Variants in LHFPL3 observed in about 807,000 individuals in gnomAD.
LHFPL3 encodes the protein LHFPL tetraspan subfamily member 3.
A neutral mutation model predicts 19.3 loss-of-function variants in LHFPL3; 5 were observed. That is an observed-to-expected ratio of 0.26 (90% confidence interval 0.14 to 0.54). The LOEUF (loss-of-function observed/expected upper bound fraction) is 0.54. LHFPL3 is among the 20% of genes least tolerant of loss of function. The pLI, the probability that LHFPL3 is intolerant of heterozygous loss-of-function variation, is 0.94. For synonymous variants in LHFPL3, 133 were observed against 126.2 expected, an observed-to-expected ratio of 1.05 and a Z score of -0.36; for missense variants, 249 against 307.4, an observed-to-expected ratio of 0.81 and a Z score of 1.42.
chr7:104,735,988 T>G (rs1367779072), intron 1 of LHFPL3, among the ~76,000 whole-genome samples: 3 of 152,252 alleles, frequency 2.0e-5, no homozygotes, highest in African/African-American at 7.2e-5. Context: ...GGACATATAC[T>G]CAATAGTGGG....
chr7:104,468,712 G>A (rs1192411851), intron 1 of LHFPL3, among the ~76,000 whole-genome samples: 2 of 148,464 alleles, frequency 1.3e-5, no homozygotes, highest in Non-Finnish European at 3.0e-5. Context: ...AGGCTGGAGT[G>A]CAGTGGTGCG....
Position 104,668,460 on chromosome 7 carries a change from C to T in LHFPL3, c.446-68215C>T, listed in dbSNP as rs567548537. The T allele has an allele frequency of 1.9e-5, 30 of 1,611,682 alleles. No homozygotes were observed. The African/African-American group carries it at 3.3e-4, about 18-fold the overall frequency. Reference sequence around the variant, plus strand: ...TTCAGACCGGTATCGGGATGGGTATCGGGATGGCCCACGCCGGGATATGGA... The same window carrying T: ...TTCAGACCGGTATCGGGATGGGTATTGGGATGGCCCACGCCGGGATATGGA... On this transcript the variant is annotated intron_variant, in intron 1 of 2. Transcript: ENST00000424859.
chr7:104,900,903 TTATTTA>T (rs1399330344), intron 2 of LHFPL3, among the ~76,000 whole-genome samples: 15 of 152,238 alleles, frequency 9.9e-5, no homozygotes, highest in African/African-American at 3.6e-4. Context: ...ATTGAATGAC[TTATTTA>T]TTCATTCCTG....
intron 1 of LHFPL3, among the ~76,000 whole-genome samples, chr7:104,543,301 T>C (rs1437053429): frequency 1.3e-5 from 2 of 151,956 alleles, no homozygotes; most frequent in African/African-American, 2.4e-5. Context: ...TAGGAACACT[T>C]TTACACTGTT....
rs556128528 is a variant in LHFPL3 at position 104,866,707 on chromosome 7, A to C, written c.683-39480A>C. On this transcript the variant is annotated intron_variant, in intron 2 of 2. Transcript: ENST00000424859. ...ACAAGGATATCCAGGAACTGAACTCAGCTCTGCACCAAGGGGACCTAATAG... is the reference window on the plus strand; with the variant it reads ...ACAAGGATATCCAGGAACTGAACTCCGCTCTGCACCAAGGGGACCTAATAG... Among the ~76,000 whole-genome samples the C allele has an allele frequency of 1.5e-4, 23 of 152,330 alleles. No homozygotes were observed. The South Asian group carries it at 3.7e-3, about 25-fold the overall frequency.
intron 2 of LHFPL3, among the ~76,000 whole-genome samples, chr7:104,891,868 A>C (rs968962338): frequency 1.3e-5 from 2 of 152,196 alleles, no homozygotes; most frequent in Non-Finnish European, 2.9e-5. Context: ...AAATGTCTGG[A>C]GGGAGCTCTT....
At chr7:104,584,698 A>T (rs1452485361) in intron 1 of LHFPL3, among the ~76,000 whole-genome samples, 1 of 152,080 alleles carries the variant, frequency 6.6e-6, no homozygotes, top group Non-Finnish European at 1.5e-5. Context: ...GTTAGAACGA[A>T]TGCATTTTCT....
At chr7:104,474,030 T>C (rs1584344731) in intron 1 of LHFPL3, among the ~76,000 whole-genome samples, 1 of 152,350 alleles carries the variant, frequency 6.6e-6, no homozygotes, top group African/African-American at 2.4e-5. Flanking sequence ...CTCACTGCTC[T>C]GCCCTCAAAC....
At chr7:104,847,173 G>T (rs1791329192) in intron 2 of LHFPL3, among the ~76,000 whole-genome samples, 1 of 152,192 alleles carries the variant, frequency 6.6e-6, no homozygotes, top group Non-Finnish European at 1.5e-5. Context: ...GTAGTTTGGG[G>T]TTATCCAGCT....
intron 1 of LHFPL3, among the ~76,000 whole-genome samples, chr7:104,430,431 T>C (rs1240074346): frequency 7.2e-3 from 89 of 12,306 alleles, no homozygotes; most frequent in South Asian, 0.011. Context: ...TATATATATA[T>C]ATATATATAT....
At chr7:104,584,696 G>A (rs1194729044) in intron 1 of LHFPL3, among the ~76,000 whole-genome samples, 5 of 151,938 alleles carry the variant, frequency 3.3e-5, no homozygotes, top group Non-Finnish European at 5.9e-5. Flanking sequence ...TAGTTAGAAC[G>A]AATGCATTTT....
chr7:104,750,835 G>A (rs911267157), intron 2 of LHFPL3, among the ~76,000 whole-genome samples: 1 of 152,084 alleles, frequency 6.6e-6, no homozygotes, highest in Non-Finnish European at 1.5e-5. Context: ...GGGGCCTGAG[G>A]CTGGCCCCTT....
At chr7:104,544,696 T>C in intron 1 of LHFPL3, among the ~76,000 whole-genome samples, 1 of 152,194 alleles carries the variant, frequency 6.6e-6, no homozygotes, top group Admixed American at 6.6e-5. Context: ...TGCATCTCTA[T>C]ATATCTGCAA....
At chr7:104,429,169 G>A (rs1337987679) in intron 1 of LHFPL3, among the ~76,000 whole-genome samples, 1 of 151,170 alleles carries the variant, frequency 6.6e-6, no homozygotes, top group African/African-American at 2.4e-5. Flanking sequence ...ATAAACTAAA[G>A]GAAAAAAAAT....
Position 104,603,079 on chromosome 7 carries a change from T to A in LHFPL3, c.446-133596T>A, listed in dbSNP as rs1292838542. On this transcript the variant is annotated intron_variant, in intron 1 of 2. Transcript: ENST00000424859. Reference sequence around the variant, plus strand: ...TTCTTTCTTTCTTTTTCTTTCTTTCTTTCTTTCTTTCTTTCTTTCTTTCTT... The same window carrying A: ...TTCTTTCTTTCTTTTTCTTTCTTTCATTCTTTCTTTCTTTCTTTCTTTCTT... 6.3e-5 allele frequency among the ~76,000 whole-genome samples: 6 copies of A among 95,786 alleles called. No homozygotes were observed. In the East Asian group the frequency reaches 2.2e-3, roughly 35 times the overall value. 62.8% of individuals were successfully genotyped at this position (95,786 alleles called of 152,430 possible).
At chr7:104,850,689 G>A (rs541768979) in intron 2 of LHFPL3, among the ~76,000 whole-genome samples, 11 of 151,860 alleles carry the variant, frequency 7.2e-5, no homozygotes, top group Non-Finnish European at 1.0e-4. Flanking sequence ...TATTAGAAAC[G>A]CAAGTTTTCA....
intron 2 of LHFPL3, among the ~76,000 whole-genome samples, chr7:104,812,502 A>AT (rs869164816): frequency 6.0e-5 from 9 of 150,678 alleles, no homozygotes; most frequent in South Asian, 4.2e-4. Flanking sequence ...ACAAAAAAAA[A>AT]TTTTTTTTTT....
At chr7:104,670,788 C>T (rs1214751804) in intron 1 of LHFPL3, among the ~76,000 whole-genome samples, 1 of 151,840 alleles carries the variant, frequency 6.6e-6, no homozygotes, top group African/African-American at 2.4e-5. Context: ...TTTTTCCCCC[C>T]AAGTTTCCTT....
At chr7:104,885,840 C>T (rs1412200964) in intron 2 of LHFPL3, among the ~76,000 whole-genome samples, 1 of 152,090 alleles carries the variant, frequency 6.6e-6, no homozygotes, top group Non-Finnish European at 1.5e-5. Flanking sequence ...AATGCCTCAC[C>T]ATTGCCCAAG....
Sources: allele counts gnomAD v4.1 joint callset (sites outside exome capture counted in the v4.1 genomes callset), GRCh38; gene constraint gnomAD v4.1.1; transcripts MANE v1.5; gene names NCBI Gene and HGNC (gene_info 2026-07-23, HGNC 2026-07-21).